Variants in PCDHGA12 observed in about 807,000 individuals in gnomAD.
PCDHGA12 encodes the protein protocadherin gamma subfamily A, 12, also known as protocadherin gamma-A12.
Under a neutral mutation model 61.1 loss-of-function variants are expected in PCDHGA12, and 43 were observed. The ratio of observed to expected loss-of-function variants is 0.70; its 90% CI spans 0.55 to 0.91. PCDHGA12 has a LOEUF of 0.91. Ranked by LOEUF, PCDHGA12 falls within the 40% of genes least tolerant of loss-of-function variation. The pLI is 0.00. For synonymous variants in PCDHGA12, 520 were observed against 542.9 expected (o/e 0.96, Z 0.59); for missense variants, 1,236 against 1,227.7 (o/e 1.01, Z -0.10).
chr5:141,502,383 G>A (rs941410477), intron 2 of PCDHGA12, among the ~76,000 whole-genome samples: 2 of 151,846 alleles, frequency 1.3e-5, no homozygotes, highest in African/African-American at 4.8e-5. Context: ...CAGGCCAGTT[G>A]TACTTTAAAA....
chr5:141,439,131 T>A (rs2098090046), intron 1 of PCDHGA12, among the ~76,000 whole-genome samples: 1 of 150,502 alleles, frequency 6.6e-6, no homozygotes, highest in Non-Finnish European at 1.5e-5. Flanking sequence ...AGACAGAGGT[T>A]GCAGTGAGCT....
At position 141,432,232 on chromosome 5, in the gene PCDHGA12, G is replaced by A. The variant is rs766929605; in HGVS notation, c.1473G>A (p.Leu491=). Reference sequence around the variant, plus strand: ...AGAACGCCCAGATCACTTATTCCCTGGCTGAGAACACCATCCAAGGGGCAA... The same window carrying A: ...AGAACGCCCAGATCACTTATTCCCTAGCTGAGAACACCATCCAAGGGGCAA... ...CEENAQITYS[L]AENTIQGASL... is the part of the protein sequence containing the mutation. Residue 491 remains leucine (L), a synonymous_variant, in exon 1 of 4, where the codon CTG becomes CTA. Coordinates refer to ENST00000252085, the MANE Select transcript of PCDHGA12 (RefSeq NM_003735.3). The surrounding 1 kb of genome is among the most constrained non-coding windows in gnomAD (Gnocchi z 6.0). The A allele has an allele frequency of 6.2e-7, 1 of 1,614,188 alleles. No homozygotes were observed. The highest frequency in any genetic ancestry group is 1.6e-4 in the Middle Eastern group (1 of 6,062).
intron 1 of PCDHGA12, among the ~76,000 whole-genome samples, chr5:141,469,187 G>T (rs147209381): frequency 5.9e-5 from 9 of 151,588 alleles, no homozygotes; most frequent in African/African-American, 1.9e-4. Context: ...GAGGCAAGAG[G>T]ATTGCTTGAG....
chr5:141,431,968 T>G lies in PCDHGA12; in HGVS notation c.1209T>G (p.Ser403Arg), dbSNP rs571981127. 6.2e-7 allele frequency: 1 copy of G among 1,614,190 alleles called. No individual in the cohort carries two copies. Among genetic ancestry groups the G allele is most frequent in the Admixed American group, 1.7e-5 (1 of 60,024 alleles). The change falls in exon 1 of 4, where the codon AGT (serine) becomes AGG (arginine). Residue 403 changes from serine to arginine, a missense_variant. Physicochemically the swap from Ser to Arg is moderately radical, Grantham distance 110 (BLOSUM62 -1). Coordinates refer to ENST00000252085, the MANE Select transcript of PCDHGA12 (RefSeq NM_003735.3). The surrounding 1 kb of genome is among the most constrained non-coding windows in gnomAD (Gnocchi z 4.8). ...AAAAATCTTACGGAAATTACTATAGTTTAGTCACAGACATAGTCTTGGATA... is the reference window on the plus strand; with the variant it reads ...AAAAATCTTACGGAAATTACTATAGGTTAGTCACAGACATAGTCTTGGATA... ...KLEKSYGNYY[S>R]LVTDIVLDRE...
chr5:141,498,848 G>A (rs930895553), intron 2 of PCDHGA12, among the ~76,000 whole-genome samples: 3 of 151,908 alleles, frequency 2.0e-5, no homozygotes, highest in Non-Finnish European at 4.4e-5. Context: ...CAGGGGAATC[G>A]CTTGAACCCA....
intron 1 of PCDHGA12, chr5:141,441,917 A>G (rs979307331): frequency 3.1e-5 from 11 of 352,364 alleles, no homozygotes; most frequent in African/African-American, 2.0e-4. Context: ...GATGTGAGAC[A>G]CAATGCGTGG....
At chr5:141,481,070 A>G (rs2099531062) in intron 1 of PCDHGA12, among the ~76,000 whole-genome samples, 1 of 152,144 alleles carries the variant, frequency 6.6e-6, no homozygotes, top group South Asian at 2.1e-4. Context: ...AAACAAAAAG[A>G]AAGAAAGAAA....
chr5:141,507,495 G>A (rs375483743), intron 3 of PCDHGA12, among the ~76,000 whole-genome samples: 5 of 152,352 alleles, frequency 3.3e-5, no homozygotes, highest in East Asian at 3.9e-4. Flanking sequence ...AGGCAGAGCT[G>A]TCCCAGGTCT....
chr5:141,458,612 C>T (rs1381385841), intron 1 of PCDHGA12, among the ~76,000 whole-genome samples: 1 of 152,084 alleles, frequency 6.6e-6, no homozygotes, highest in Non-Finnish European at 1.5e-5. Flanking sequence ...CTCTGTCAGC[C>T]AGGCTGGAGT....
At chr5:141,435,172 T>G (rs1406204282) in intron 1 of PCDHGA12, among the ~76,000 whole-genome samples, 1 of 152,198 alleles carries the variant, frequency 6.6e-6, no homozygotes, top group Non-Finnish European at 1.5e-5. Context: ...GAGTGGCTTT[T>G]AACTACACTT....
intron 2 of PCDHGA12, among the ~76,000 whole-genome samples, chr5:141,501,821 G>A (rs910825533): frequency 1.3e-5 from 2 of 152,028 alleles, no homozygotes; most frequent in Non-Finnish European, 2.9e-5. Context: ...ATAATTGGCA[G>A]CCCACCCACC....
chr5:141,445,825 G>A (rs1031190864), intron 1 of PCDHGA12, among the ~76,000 whole-genome samples: 8 of 152,124 alleles, frequency 5.3e-5, no homozygotes, highest in Non-Finnish European at 1.2e-4. Context: ...AATAAGGCAG[G>A]GAGAGCCTTG....
intron 1 of PCDHGA12, among the ~76,000 whole-genome samples, chr5:141,444,175 TTTTTTTTTTTTTTG>T (rs2098423325): frequency 7.6e-6 from 1 of 131,192 alleles, no homozygotes; most frequent in African/African-American, 3.0e-5. Flanking sequence ...TTTTTTTTTT[TTTTTTTTTTTTTTG>T]AGATGGAGTT....
chr5:141,487,810 C>G lies in PCDHGA12; in HGVS notation c.2425-6997C>G, dbSNP rs377060474. ...ATTAACCAGAGTTGTCACAGTTTAGCATTGGGGGCGGGTCATGCCTATATC... is the reference window on the plus strand; with the variant it reads ...ATTAACCAGAGTTGTCACAGTTTAGGATTGGGGGCGGGTCATGCCTATATC... On this transcript the variant is annotated intron_variant, in intron 1 of 3. Coordinates refer to ENST00000252085, the MANE Select transcript of PCDHGA12 (RefSeq NM_003735.3). The surrounding 1 kb of genome is among the most constrained non-coding windows in gnomAD (Gnocchi z 5.0). 7.1e-7 allele frequency: 1 copy of G among 1,417,854 alleles called. No homozygotes were observed. The highest frequency in any genetic ancestry group is 2.1e-5 in the Admixed American group (1 of 47,076). The allele number at this position is 1,417,854 out of a possible 1,614,324, so 87.8% of individuals were successfully genotyped here.
intron 1 of PCDHGA12, among the ~76,000 whole-genome samples, chr5:141,460,889 G>A (rs901987902): frequency 3.3e-5 from 5 of 150,280 alleles, no homozygotes; most frequent in East Asian, 3.9e-4. Flanking sequence ...ATGCCTTTTC[G>A]TGGCTGAGTA....
intron 3 of PCDHGA12, among the ~76,000 whole-genome samples, chr5:141,505,766 C>T (rs1420683619): frequency 2.0e-5 from 3 of 151,768 alleles, no homozygotes; most frequent in African/African-American, 4.8e-5. Context: ...CAGTGTAGCT[C>T]AGGTCCTAGC....
chr5:141,494,323 A>T (rs1188768690), intron 1 of PCDHGA12, among the ~76,000 whole-genome samples: 1 of 152,210 alleles, frequency 6.6e-6, no homozygotes, highest in Non-Finnish European at 1.5e-5. Flanking sequence ...CCTGGCACCA[A>T]AAGGGTTACC....
chr5:141,451,593 C>A (rs2098719809), intron 1 of PCDHGA12, among the ~76,000 whole-genome samples: 1 of 152,042 alleles, frequency 6.6e-6, no homozygotes, highest in African/African-American at 2.4e-5. Context: ...TTGAAAGTGA[C>A]ATACAAGGCT....
chr5:141,465,923 C>A (rs908350232), intron 1 of PCDHGA12, among the ~76,000 whole-genome samples: 2 of 152,062 alleles, frequency 1.3e-5, no homozygotes, highest in African/African-American at 4.8e-5. Flanking sequence ...GATTTCGAGT[C>A]CATCCTGGCT....
Sources: allele counts gnomAD v4.1 joint callset (sites outside exome capture counted in the v4.1 genomes callset), GRCh38; gene constraint gnomAD v4.1.1; non-coding constraint Gnocchi (gnomAD v3.1); transcripts MANE v1.5; gene names NCBI Gene and HGNC (gene_info 2026-07-23, HGNC 2026-07-21).